The following SUMF1 variants were observed in gnomAD, a reference collection of about 807,000 sequenced individuals.
SUMF1 encodes formylglycine-generating enzyme.
SUMF1 carries 48 observed loss-of-function variants against 47.6 expected under a neutral mutation model. That is an observed-to-expected ratio of 1.01 (90% CI 0.80 to 1.28). SUMF1 has a LOEUF of 1.28. SUMF1 is among the 50% of genes most tolerant of loss of function. SUMF1 has a pLI of 0.00. For missense variants in SUMF1, 571 were observed against 485.4 expected (o/e 1.18, Z -1.66); for synonymous variants, 230 against 192.1 (o/e 1.20, Z -1.63).
At chr3:4,145,076 G>A (rs1694161225) in intron 8 of SUMF1, among the ~76,000 whole-genome samples, 1 of 151,354 alleles carries the variant, frequency 6.6e-6, no homozygotes, top group Non-Finnish European at 1.5e-5. Context: ...ACAGGCACCT[G>A]TAGTCCCAGC....
At chr3:4,250,139 T>C (rs1696763678) in intron 8 of SUMF1, among the ~76,000 whole-genome samples, 1 of 150,540 alleles carries the variant, frequency 6.6e-6, no homozygotes, top group Non-Finnish European at 1.5e-5. Flanking sequence ...GCCAAGATTG[T>C]GCCATTGCCC....
rs144607336 is a variant in SUMF1 at position 4,276,067 on chromosome 3, A to G, written c.1014+100263T>C. Among the ~76,000 whole-genome samples, 815 of 152,300 alleles carry G rather than the reference A, an allele frequency of 5.4e-3. 4 individuals carry two copies. The highest frequency in any genetic ancestry group is 0.018 in the African/African-American group (739 of 41,576). On this transcript the variant is annotated intron_variant and NMD_transcript_variant, in intron 8 of 12. Transcript: ENST00000448413. ...TGATCTGTGTGGTTCCAAGTTCATGAGTTCAAGCACAAGACATTAATTTTT... is the reference window on the plus strand; with the variant it reads ...TGATCTGTGTGGTTCCAAGTTCATGGGTTCAAGCACAAGACATTAATTTTT...
chr3:4,107,280 G>C (rs1693179770), intron 8 of SUMF1, among the ~76,000 whole-genome samples: 1 of 152,120 alleles, frequency 6.6e-6, no homozygotes, highest in Admixed American at 6.6e-5. Flanking sequence ...TTCCTTAGGA[G>C]AGCTGTGCAC....
chr3:4,125,131 A>T (rs1472116346), intron 8 of SUMF1, among the ~76,000 whole-genome samples: 4 of 152,292 alleles, frequency 2.6e-5, no homozygotes, highest in Admixed American at 6.5e-5. Flanking sequence ...GTGTTTTATT[A>T]AAAATTTGTA....
chr3:4,224,989 T>G (rs1421495879), intron 8 of SUMF1, among the ~76,000 whole-genome samples: 1 of 152,076 alleles, frequency 6.6e-6, no homozygotes, highest in Non-Finnish European at 1.5e-5. Context: ...GGGTTTGTCT[T>G]GGACAATCAA....
chr3:4,044,082 T>A (rs1303345014), intron 9 of SUMF1, among the ~76,000 whole-genome samples: 2 of 152,122 alleles, frequency 1.3e-5, no homozygotes, highest in Non-Finnish European at 2.9e-5. Context: ...GACCATGAGC[T>A]CAGAGGTTAC....
intron 8 of SUMF1, among the ~76,000 whole-genome samples, chr3:4,237,829 G>A (rs1289487617): frequency 2.0e-5 from 3 of 152,106 alleles, no homozygotes; most frequent in Non-Finnish European, 2.9e-5. Flanking sequence ...TGTACAGAAA[G>A]TGCATGTTTG....
In SUMF1 at chr3:4,295,161, T is replaced by C. The variant is rs142627106; in HGVS notation, c.1014+81169A>G. Among the ~76,000 whole-genome samples, 115 of 152,258 alleles carry C rather than the reference T, an allele frequency of 7.6e-4. 1 individual carries two copies. The East Asian group carries it at 0.019, about 25-fold the overall frequency. On this transcript the variant is annotated intron_variant and NMD_transcript_variant, in intron 8 of 12. Transcript: ENST00000448413. ...CATTTGGTTTTTCGTTTCCATGGTT[T>C]CCTTTCTCCACTCAAATGCTAGAAC...
rs541461449 is a variant in SUMF1 at position 4,259,852 on chromosome 3, T to C, written c.1014+116478A>G. On this transcript the variant is annotated intron_variant and NMD_transcript_variant, in intron 8 of 12. Transcript: ENST00000448413. ...GGAAGGCTATTAAAACAACCCATAATTTACTACTTAGAAACTATTACCATT... is the reference window on the plus strand; with the variant it reads ...GGAAGGCTATTAAAACAACCCATAACTTACTACTTAGAAACTATTACCATT... 6.8e-4 allele frequency among the ~76,000 whole-genome samples: 104 copies of C among 151,850 alleles called. 1 individual carries two copies. Among genetic ancestry groups the C allele is most frequent in the African/African-American group, 2.3e-3 (97 of 41,458 alleles).
rs890422673 is a variant in SUMF1, at chr3:4,252,470, C to G, written c.1014+123860G>C. ...TAAAATAATCTCTAAATAGATTCAC[C>G]GTTTGAGACTGCTGAACTTTCAAAT... On this transcript the variant is annotated intron_variant and NMD_transcript_variant, in intron 8 of 12. Transcript: ENST00000448413. Among the ~76,000 whole-genome samples the G allele has an allele frequency of 3.3e-5, 5 of 152,130 alleles. No individual in the cohort carries two copies. In the East Asian group the frequency reaches 9.7e-4, roughly 29 times the overall value.
At chr3:4,160,320 A>T (rs945827158) in intron 8 of SUMF1, among the ~76,000 whole-genome samples, 1 of 151,852 alleles carries the variant, frequency 6.6e-6, no homozygotes, top group African/African-American at 2.4e-5. Flanking sequence ...ACTCATTGCA[A>T]TCTCCGCCTC....
At chr3:4,095,655 A>T (rs1400069710) in intron 8 of SUMF1, among the ~76,000 whole-genome samples, 3 of 152,112 alleles carry the variant, frequency 2.0e-5, no homozygotes, top group Non-Finnish European at 4.4e-5. Flanking sequence ...TAAGCAGAAC[A>T]ATATAAAACA....
chr3:4,198,563 T>C (rs932649914), intron 8 of SUMF1, among the ~76,000 whole-genome samples: 2 of 152,088 alleles, frequency 1.3e-5, no homozygotes, highest in African/African-American at 2.4e-5. Context: ...AAATAACAAA[T>C]TGTAAACCCA....
At chr3:4,055,097 C>CG (rs1443700598) in intron 9 of SUMF1, among the ~76,000 whole-genome samples, 1 of 152,062 alleles carries the variant, frequency 6.6e-6, no homozygotes, top group Non-Finnish European at 1.5e-5. Context: ...TAGTGGAGTG[C>CG]GTTTTCTTCA....
intron 8 of SUMF1, among the ~76,000 whole-genome samples, chr3:4,284,615 C>T (rs1202696349): frequency 5.9e-5 from 9 of 151,954 alleles, no homozygotes; most frequent in Non-Finnish European, 1.3e-4. Flanking sequence ...ATATATTTTA[C>T]TCCAGTGTGA....
In SUMF1 at chr3:4,164,057, T is replaced by C. The variant is rs564004908; in HGVS notation, c.1015-95312A>G. ...AAGTAGGGAACAACAAATGGGTAAC[T>C]TGTTCCCCATATTCATATAGATAAT... On this transcript the variant is annotated intron_variant and NMD_transcript_variant, in intron 8 of 12. Coordinates refer to the SUMF1 transcript ENST00000448413. Among the ~76,000 whole-genome samples, 7 of 152,248 alleles carry C rather than the reference T, an allele frequency of 4.6e-5. No individual in the cohort carries two copies. The East Asian group carries it at 1.4e-3, about 29-fold the overall frequency.
chr3:4,245,371 GT>G (rs942599398), intron 8 of SUMF1, among the ~76,000 whole-genome samples: 6 of 152,140 alleles, frequency 3.9e-5, no homozygotes, highest in Non-Finnish European at 5.9e-5. Flanking sequence ...CATCTTTGCA[GT>G]TTTATCTACC....
At chr3:4,160,266 G>T (rs1396234473) in intron 8 of SUMF1, among the ~76,000 whole-genome samples, 1 of 151,854 alleles carries the variant, frequency 6.6e-6, no homozygotes, top group Non-Finnish European at 1.5e-5. Context: ...TTGAGACAGA[G>T]TCTCACTCTG....
intron 8 of SUMF1, among the ~76,000 whole-genome samples, chr3:4,369,274 A>G (rs2638371): frequency 0.57 from 86,914 of 151,324 alleles, 25,691 homozygotes; most frequent in East Asian, 0.76. Context: ...GGTAGACAAA[A>G]GGAAGATGAA....
Sources: allele counts gnomAD v4.1 joint callset (sites outside exome capture counted in the v4.1 genomes callset), GRCh38; gene constraint gnomAD v4.1.1; transcripts MANE v1.5; gene names NCBI Gene and HGNC (gene_info 2026-07-23, HGNC 2026-07-21).